ARL15: variants seen among roughly 807,000 people sequenced by gnomAD.
ARL15 encodes ARF like GTPase 15.
Under a neutral mutation model 25.2 loss-of-function variants are expected in ARL15, and 19 were observed. The observed-to-expected ratio is 0.75, with a 90% CI of 0.53 to 1.10. ARL15 has a LOEUF of 1.10. Ranked by LOEUF, ARL15 falls within the 50% of genes least tolerant of loss-of-function variation. The probability of loss-of-function intolerance (pLI) is 0.00; values close to 1 mark genes in which losing one functional copy is unlikely to be tolerated. For synonymous variants in ARL15, 94 were observed against 86.8 expected (o/e 1.08, Z -0.46); for missense variants, 220 against 246.0 (o/e 0.89, Z 0.71).
rs1027001618 is a variant in ARL15, at chr5:54,159,384, G to A, written c.194-4745C>T. 7.2e-5 allele frequency among the ~76,000 whole-genome samples: 11 copies of A among 152,140 alleles called. 1 individual carries two copies. The highest frequency in any genetic ancestry group is 2.4e-4 in the African/African-American group (10 of 41,434). On this transcript the variant is annotated intron_variant, in intron 2 of 4. Coordinates refer to ENST00000504924, the MANE Select transcript of ARL15 (RefSeq NM_019087.3). Reference sequence around the variant, plus strand: ...CTTCAGGGTGTCAGTGTGCTAACGTGACAAGGGACTATCCTAGGAGTCCGA... The same window carrying A: ...CTTCAGGGTGTCAGTGTGCTAACGTAACAAGGGACTATCCTAGGAGTCCGA...
At chr5:54,122,544 T>G (rs985934580) in intron 3 of ARL15, among the ~76,000 whole-genome samples, 3 of 152,260 alleles carry the variant, frequency 2.0e-5, no homozygotes, top group Non-Finnish European at 4.4e-5. Context: ...TTATGACATT[T>G]CTCTTTCTTT....
At chr5:53,964,703 T>C (rs569286432) in intron 4 of ARL15, among the ~76,000 whole-genome samples, 4 of 152,342 alleles carry the variant, frequency 2.6e-5, no homozygotes, top group South Asian at 4.1e-4. Context: ...CCAAAATTCA[T>C]AGGCTCCCTG....
intron 3 of ARL15, among the ~76,000 whole-genome samples, chr5:54,150,110 G>T (rs556057282): frequency 1.3e-5 from 2 of 152,282 alleles, no homozygotes; most frequent in Non-Finnish European, 2.9e-5. Flanking sequence ...CCTCTTACTT[G>T]GTTTATGCAG....
chr5:53,983,125 G>A (rs1561175995), intron 4 of ARL15, among the ~76,000 whole-genome samples: 1 of 152,042 alleles, frequency 6.6e-6, no homozygotes, highest in Non-Finnish European at 1.5e-5. Context: ...TTAGTATGGC[G>A]TATAGTATTA....
chr5:54,101,288 A>G (rs1026802610), intron 4 of ARL15, among the ~76,000 whole-genome samples: 2 of 152,136 alleles, frequency 1.3e-5, no homozygotes, highest in African/African-American at 4.8e-5. Flanking sequence ...AAAGAAACAT[A>G]TGACAAAATT....
chr5:54,028,766 T>C (rs993927291), intron 4 of ARL15, among the ~76,000 whole-genome samples: 3 of 152,058 alleles, frequency 2.0e-5, no homozygotes, highest in Non-Finnish European at 4.4e-5. Flanking sequence ...AATCCCAGCA[T>C]TTTGGGAGGC....
intron 4 of ARL15, among the ~76,000 whole-genome samples, chr5:54,029,268 T>G (rs566908174): frequency 1.8e-4 from 28 of 151,558 alleles, no homozygotes; most frequent in African/African-American, 6.1e-4. Context: ...TAAATGCCTC[T>G]CACAATGTCT....
intron 1 of ARL15, among the ~76,000 whole-genome samples, chr5:54,230,531 A>T (rs1032788976): frequency 1.3e-5 from 2 of 151,830 alleles, no homozygotes; most frequent in Non-Finnish European, 2.9e-5. Flanking sequence ...CTACGTCAAA[A>T]ATATATATAT....
intron 1 of ARL15, chr5:54,286,079 C>T (rs908913589): frequency 1.4e-4 from 21 of 151,576 alleles, no homozygotes; most frequent in African/African-American, 5.1e-4. Flanking sequence ...TCCCTTAGTA[C>T]ACTTGAAAGT....
chr5:54,062,091 C>T (rs1283277592), intron 4 of ARL15, among the ~76,000 whole-genome samples: 1 of 152,142 alleles, frequency 6.6e-6, no homozygotes, highest in Non-Finnish European at 1.5e-5. Flanking sequence ...TTACAAGGGG[C>T]CTGTAGCCCT....
At chr5:54,084,424 C>CCA (rs1554039240) in intron 4 of ARL15, among the ~76,000 whole-genome samples, 5 of 129,930 alleles carry the variant, frequency 3.8e-5, no homozygotes, top group Non-Finnish European at 8.1e-5. Flanking sequence ...ACTGACTCTT[C>CCA]AAAAAAAAAA....
intron 3 of ARL15, among the ~76,000 whole-genome samples, chr5:54,153,086 C>A (rs1291263752): frequency 6.6e-6 from 1 of 152,172 alleles, no homozygotes; most frequent in Non-Finnish European, 1.5e-5. Context: ...AAATAAAATA[C>A]TTAGTAACAG....
intron 4 of ARL15, among the ~76,000 whole-genome samples, chr5:54,050,854 C>CTAATT (rs888518503): frequency 1.6e-4 from 25 of 152,244 alleles, no homozygotes; most frequent in African/African-American, 6.0e-4. Context: ...GAAGAGCCTA[C>CTAATT]TAATTTAATC....
At chr5:54,135,619 A>G (rs534787224) in intron 3 of ARL15, among the ~76,000 whole-genome samples, 1 of 152,200 alleles carries the variant, frequency 6.6e-6, no homozygotes, top group Non-Finnish European at 1.5e-5. Flanking sequence ...AATTATAATG[A>G]ATGATAATAA....
At position 53,905,676 on chromosome 5, in the gene ARL15, A is replaced by C. The variant is rs1294185912; in HGVS notation, c.463-18963T>G. ...TTGAAATTATCATCTGTTTCTTTCC[A>C]AATGAATTCTTACCAAATTCATTTT... On this transcript the variant is annotated intron_variant, in intron 4 of 4. Transcript: ENST00000504924. Among the ~76,000 whole-genome samples, 567 of 152,326 alleles carry C rather than the reference A, an allele frequency of 3.7e-3. 6 individuals are homozygous for C. Among genetic ancestry groups the C allele is most frequent in the African/African-American group, 0.013 (531 of 41,578 alleles).
At chr5:53,943,957 T>C (rs1746631416) in intron 4 of ARL15, among the ~76,000 whole-genome samples, 1 of 152,132 alleles carries the variant, frequency 6.6e-6, no homozygotes, top group African/African-American at 2.4e-5. Context: ...AATTGCAAGA[T>C]AAATGGTCTG....
intron 1 of ARL15, among the ~76,000 whole-genome samples, chr5:54,239,937 C>G (rs1756911840): frequency 6.6e-6 from 1 of 152,104 alleles, no homozygotes; most frequent in Non-Finnish European, 1.5e-5. Context: ...TTAATTCTAA[C>G]ACATCATCGG....
intron 1 of ARL15, among the ~76,000 whole-genome samples, chr5:54,252,301 T>A (rs1216039317): frequency 1.3e-5 from 2 of 152,220 alleles, no homozygotes; most frequent in Admixed American, 1.3e-4. Flanking sequence ...ACTGCCTCAT[T>A]AAGTCACCTT....
At chr5:53,988,819 A>G (rs1748386928) in intron 4 of ARL15, among the ~76,000 whole-genome samples, 1 of 152,198 alleles carries the variant, frequency 6.6e-6, no homozygotes, top group African/African-American at 2.4e-5. Context: ...TCTAAGTACT[A>G]CCAAGCATAA....
Sources: gnomAD v4.1 joint callset for allele counts (sites outside exome capture counted in the v4.1 genomes callset) on GRCh38, gnomAD v4.1.1 for gene constraint, MANE v1.5 for transcripts, NCBI Gene and HGNC (gene_info 2026-07-23, HGNC 2026-07-21) for gene names.